Variants in NPAS3 observed in about 807,000 individuals in gnomAD.
The protein encoded by NPAS3 is neuronal PAS domain-containing protein 3.
A neutral mutation model predicts 73.1 loss-of-function variants in NPAS3; 14 were observed. The observed-to-expected ratio is 0.19, with a 90% CI of 0.13 to 0.30. The LOEUF is 0.30. NPAS3 is among the 10% of genes least tolerant of loss of function. NPAS3 has a pLI of 1.00. For missense variants in NPAS3, 1,096 were observed against 1,250.0 expected (o/e 0.88, Z 1.86); for synonymous variants, 620 against 541.5 (o/e 1.14, Z -2.01).
intron 3 of NPAS3, among the ~76,000 whole-genome samples, chr14:33,365,462 G>A (rs1350927031): frequency 1.3e-5 from 2 of 152,050 alleles, no homozygotes; most frequent in Non-Finnish European, 2.9e-5. Flanking sequence ...AAAACCCTAT[G>A]TCTATATTTA....
At chr14:33,309,087 A>G (rs558832883) in intron 3 of NPAS3, among the ~76,000 whole-genome samples, 1 of 152,228 alleles carries the variant, frequency 6.6e-6, no homozygotes, top group Non-Finnish European at 1.5e-5. Context: ...TAAGCCATGG[A>G]GTATCCAGTT....
intron 4 of NPAS3, among the ~76,000 whole-genome samples, chr14:33,443,852 G>A (rs1048914692): frequency 6.6e-6 from 1 of 152,172 alleles, no homozygotes; most frequent in Non-Finnish European, 1.5e-5. Flanking sequence ...CATTCGGGTA[G>A]GGTATAATGT....
rs763823559 is a variant in NPAS3 at position 33,464,792 on chromosome 14, G to C, written c.469-95329G>C. ...TTTGTACCTTCCTGTATGATGCCAA[G>C]TGCAAAGCCCTTTGTTCAGAGAACT... On this transcript the variant is annotated intron_variant, in intron 4 of 11. Transcript: ENST00000356141. Among the ~76,000 whole-genome samples the C allele has an allele frequency of 2.0e-5, 3 of 152,200 alleles. No individual in the cohort carries two copies. In the East Asian group the frequency reaches 5.8e-4, roughly 29 times the overall value.
At chr14:33,476,314 T>C (rs11156792) in intron 4 of NPAS3, among the ~76,000 whole-genome samples, 31,327 of 152,146 alleles carry the variant, frequency 0.21, 3,503 homozygotes, top group African/African-American at 0.3. Flanking sequence ...TAGCATAGCA[T>C]ATATCATTTA....
At chr14:33,697,725 C>T (rs1387089427) in intron 6 of NPAS3, among the ~76,000 whole-genome samples, 2 of 152,200 alleles carry the variant, frequency 1.3e-5, no homozygotes, top group Non-Finnish European at 1.5e-5. Flanking sequence ...AAGAATTATA[C>T]ATTCATGTAT....
At chr14:33,198,689 C>T (rs537710683) in intron 2 of NPAS3, among the ~76,000 whole-genome samples, 40 of 152,348 alleles carry the variant, frequency 2.6e-4, no homozygotes, top group East Asian at 5.8e-4. Context: ...TAGTGGATCC[C>T]GCACCAGGTC....
intron 2 of NPAS3, among the ~76,000 whole-genome samples, chr14:33,115,272 G>T (rs1161439282): frequency 4.6e-5 from 7 of 152,144 alleles, no homozygotes; most frequent in African/African-American, 1.7e-4. Flanking sequence ...ACAGTGGAAG[G>T]ATTAGAAACT....
chr14:33,218,995 T>C (rs576786335), intron 3 of NPAS3, among the ~76,000 whole-genome samples: 14 of 152,328 alleles, frequency 9.2e-5, no homozygotes, highest in African/African-American at 3.4e-4. Context: ...GGTTAAGCAA[T>C]TGGAAGGTAA....
chr14:32,992,531 T>G (rs1262758473), intron 1 of NPAS3, among the ~76,000 whole-genome samples: 1 of 152,134 alleles, frequency 6.6e-6, no homozygotes, highest in Non-Finnish European at 1.5e-5. Flanking sequence ...AAACCACACT[T>G]GTCCTAGAGC....
At position 33,178,070 on chromosome 14, in the gene NPAS3, A is replaced by ATTTTTTTT. The variant is rs780708461; in HGVS notation, c.141-37111_141-37104dup. ...GGAATTTTGATAGGCATTGAAGTGAATTTTTTTTGTTTTTTTTTTTTTGGA... is the reference window on the plus strand; with the variant it reads ...GGAATTTTGATAGGCATTGAAGTGAATTTTTTTTTTTTTTTTGTTTTTTTTTTTTTGGA... On this transcript the variant is annotated intron_variant, in intron 2 of 11. Transcript: ENST00000356141. Among the ~76,000 whole-genome samples the ATTTTTTTT allele has an allele frequency of 7.3e-5, 9 of 123,868 alleles. 3 individuals are homozygous for ATTTTTTTT. Among genetic ancestry groups the ATTTTTTTT allele is most frequent in the African/African-American group, 6.0e-5 (2 of 33,146 alleles). The allele number at this position is 123,868 out of a possible 152,430, so 81.3% of individuals were successfully genotyped here. A position where few individuals can be genotyped will look rare whatever the true frequency, so the allele number is the denominator to read the frequency against.
chr14:33,325,806 G>A (rs1484830391), intron 3 of NPAS3, among the ~76,000 whole-genome samples: 3 of 150,072 alleles, frequency 2.0e-5, no homozygotes, highest in South Asian at 2.1e-4. Flanking sequence ...TCCAGCCTCT[G>A]GTAACCATCC....
At chr14:33,528,395 G>A (rs559134207) in intron 4 of NPAS3, among the ~76,000 whole-genome samples, 6 of 151,628 alleles carry the variant, frequency 4.0e-5, no homozygotes, top group South Asian at 4.2e-4. Context: ...CCTGAAGGGC[G>A]CTCACAATCT....
chr14:33,429,411 G>A (rs1441466205), intron 4 of NPAS3, among the ~76,000 whole-genome samples: 1 of 152,032 alleles, frequency 6.6e-6, no homozygotes, highest in Non-Finnish European at 1.5e-5. Flanking sequence ...GTACTGTAGA[G>A]ACCAAGCCCA....
At chr14:33,285,775 C>T (rs1164780927) in intron 3 of NPAS3, among the ~76,000 whole-genome samples, 1 of 152,200 alleles carries the variant, frequency 6.6e-6, no homozygotes, top group Non-Finnish European at 1.5e-5. Context: ...TCCCCATTCC[C>T]CTACCGTTGC....
At chr14:33,285,888 C>A (rs1566759227) in intron 3 of NPAS3, among the ~76,000 whole-genome samples, 1 of 152,162 alleles carries the variant, frequency 6.6e-6, no homozygotes, top group South Asian at 2.1e-4. Context: ...CACTTTCCTC[C>A]TAGGTAAGAC....
chr14:33,585,460 G>A (rs1263201246), intron 5 of NPAS3, among the ~76,000 whole-genome samples: 3 of 152,108 alleles, frequency 2.0e-5, no homozygotes, highest in African/African-American at 2.4e-5. Context: ...ACATTTTCAC[G>A]CTTCATTTTT....
At chr14:33,760,796 A>G (rs936046460) in intron 7 of NPAS3, among the ~76,000 whole-genome samples, 6 of 152,308 alleles carry the variant, frequency 3.9e-5, no homozygotes, top group Middle Eastern at 3.4e-3. Context: ...CTCTCCAATA[A>G]TCAAAAGAAT....
intron 3 of NPAS3, among the ~76,000 whole-genome samples, chr14:33,362,533 G>A (rs2045650445): frequency 6.6e-6 from 1 of 152,176 alleles, no homozygotes; most frequent in African/African-American, 2.4e-5. Context: ...TTCTTTCTCA[G>A]CCGCTGGCTT....
At chr14:33,564,058 T>C (rs145597442) in intron 5 of NPAS3, among the ~76,000 whole-genome samples, 10 of 152,228 alleles carry the variant, frequency 6.6e-5, no homozygotes, top group African/African-American at 1.9e-4. Context: ...TCAAATAGCT[T>C]ACATAAACAC....
Sources: gnomAD v4.1 joint callset for allele counts (sites outside exome capture counted in the v4.1 genomes callset) on GRCh38, gnomAD v4.1.1 for gene constraint, MANE v1.5 for transcripts, NCBI Gene and HGNC (gene_info 2026-07-23, HGNC 2026-07-21) for gene names.